MRO: variants seen among roughly 807,000 people sequenced by gnomAD.
MRO encodes the protein maestro.
MRO carries 28 observed loss-of-function variants against 31.0 expected under a neutral mutation model. That is an observed-to-expected ratio of 0.90 (90% CI 0.67 to 1.24). The LOEUF (loss-of-function observed/expected upper bound fraction) is 1.24, where lower values mean the gene tolerates loss of function less well. MRO is among the 50% of genes most tolerant of loss of function. The pLI is 0.00. For missense variants in MRO, 332 were observed against 289.2 expected, an observed-to-expected ratio of 1.15 and a Z score of -1.07; for synonymous variants, 108 against 108.4, an observed-to-expected ratio of 1.00 and a Z score of 0.02.
intron 7 of MRO, among the ~76,000 whole-genome samples, 179 bp downstream of exon 7, chr18:50,799,857 G>C (rs1599003009): frequency 1.3e-5 from 2 of 152,192 alleles, no homozygotes; most frequent in East Asian, 3.9e-4. Flanking sequence ...GCTGCAGTGA[G>C]CCAAGATGGT....
chr18:50,806,214 C>T (rs1476429109), intron 4 of MRO, among the ~76,000 whole-genome samples: 1 of 152,116 alleles, frequency 6.6e-6, no homozygotes, highest in Non-Finnish European at 1.5e-5. Context: ...GAACTGCAGG[C>T]GTGAACCACT....
intron 5 of MRO, among the ~76,000 whole-genome samples, chr18:50,801,718 A>T (rs1046806581): frequency 2.6e-5 from 4 of 152,150 alleles, no homozygotes; most frequent in Admixed American, 6.5e-5. Context: ...AGAGGGCCCA[A>T]AGGCTTCAAT....
At chr18:50,802,902 GTA>G (rs750217710) in intron 5 of MRO, among the ~76,000 whole-genome samples, 4,563 of 129,842 alleles carry the variant, frequency 0.035, 209 homozygotes, top group African/African-American at 0.12. Context: ...GAGTGTTTGT[GTA>G]TGTGTGTGTG....
rs1353007208 is a variant in MRO, at chr18:50,805,323, T to C, written c.260A>G (p.Lys87Arg). 4.3e-6 allele frequency: 7 copies of C among 1,613,622 alleles called. No individual in the cohort carries two copies. The East Asian group carries it at 8.9e-5, about 21-fold the overall frequency. The change falls in exon 5 of 8, where the codon AAG becomes AGG. Residue 87 changes from lysine (K) to arginine (R), a missense_variant. Coordinates refer to ENST00000398439, the MANE Select transcript of MRO (RefSeq NM_031939.6). ...CACCAGCAGGTCGAGGACAATTTTC[T>C]TATACTTTCTCACCTGTCACCAAGG... ...YEAPDKVRKY[K>R]KIVLDLLVYG...
At chr18:50,805,598 T>C (rs938443063) in intron 4 of MRO, among the ~76,000 whole-genome samples, 1 of 151,992 alleles carries the variant, frequency 6.6e-6, no homozygotes, top group Admixed American at 6.6e-5. Flanking sequence ...GCTCTTCAAA[T>C]AGGGCAGCAG....
At chr18:50,803,996 C>G (rs150698251) in intron 5 of MRO, among the ~76,000 whole-genome samples, 309 of 152,350 alleles carry the variant, frequency 2.0e-3, no homozygotes, top group Middle Eastern at 0.01. Flanking sequence ...TTTTGCTTAG[C>G]CTGATTTGTC....
intron 6 of MRO, among the ~76,000 whole-genome samples, chr18:50,800,351 C>T (rs543009550): frequency 2.6e-5 from 4 of 152,230 alleles, no homozygotes; most frequent in South Asian, 4.1e-4. Context: ...GTGGGAAGGG[C>T]GTAGCTTTAC....
rs575769694 is a variant in MRO at position 50,814,676 on chromosome 18, T to C, written c.-5+4905A>G. ...GTAAAGCCTGGTGCCCATCCAACAG[T>C]AAAGAAAATGTTTGTCGGGAAGTAA... On this transcript the variant is annotated intron_variant, in intron 2 of 7. Transcript: ENST00000398439. 1.6e-4 allele frequency: 32 copies of C among 202,080 alleles called. 1 individual carries two copies. In the South Asian group the frequency reaches 2.2e-3, roughly 14 times the overall value. The allele number at this position is 202,080 out of a possible 1,614,324, so 12.5% of individuals were successfully genotyped here. A position where few individuals can be genotyped will look rare whatever the true frequency, so the allele number is the denominator to read the frequency against.
At position 50,798,852 on chromosome 18, in the gene MRO, T is replaced by A. The variant is rs1402663543; in HGVS notation, c.*485A>T. On this transcript the variant is annotated 3_prime_UTR_variant, in exon 8 of 8. Coordinates refer to ENST00000398439, the MANE Select transcript of MRO (RefSeq NM_031939.6). ...ACCTTCTTGGTATCTTGGCCAACTTTAAATAAATCTTGGCAAGTAAAGGTA... is the reference window on the plus strand; with the variant it reads ...ACCTTCTTGGTATCTTGGCCAACTTAAAATAAATCTTGGCAAGTAAAGGTA... 6.6e-6 allele frequency: 1 copy of A among 151,476 alleles called. No homozygotes were observed. The highest frequency in any genetic ancestry group is 1.9e-4 in the East Asian group (1 of 5,148). The allele number at this position is 151,476 out of a possible 1,614,324, so 9.4% of individuals were successfully genotyped here.
At chr18:50,811,231 AT>A (rs1251083727) in intron 2 of MRO, among the ~76,000 whole-genome samples, 1 of 152,196 alleles carries the variant, frequency 6.6e-6, no homozygotes, top group Non-Finnish European at 1.5e-5. Context: ...TTTTCTTTTA[AT>A]TTAGGTGAAA....
rs72627207 is a variant in MRO at position 50,815,675 on chromosome 18, C to T, written c.-5+3906G>A. 2,334 of 402,624 alleles carry T rather than the reference C, an allele frequency of 5.8e-3. 56 individuals are homozygous for T. The East Asian group carries it at 0.073, about 13-fold the overall frequency. 24.9% of individuals were successfully genotyped at this position (402,624 alleles called of 1,614,324 possible). A position where few individuals can be genotyped will look rare whatever the true frequency, so the allele number is the denominator to read the frequency against. On this transcript the variant is annotated intron_variant, in intron 2 of 7. Coordinates refer to ENST00000398439, the MANE Select transcript of MRO (RefSeq NM_031939.6). Reference sequence around the variant, plus strand: ...TTGGTGGAAGAAGTTCAGGCAGTCCCTGTGGTGACCGTTATGGATCTGGTA... The same window carrying T: ...TTGGTGGAAGAAGTTCAGGCAGTCCTTGTGGTGACCGTTATGGATCTGGTA...
At chr18:50,809,132 G>A (rs112910045) in intron 3 of MRO, among the ~76,000 whole-genome samples, 170 bp downstream of exon 3, 10,559 of 115,410 alleles carry the variant, frequency 0.091, 578 homozygotes, top group African/African-American at 0.16. Context: ...GCGACAGAGC[G>A]AGACTCCGTC....
chr18:50,819,165 C>T (rs1166196909), intron 2 of MRO, among the ~76,000 whole-genome samples: 8 of 152,146 alleles, frequency 5.3e-5, no homozygotes, highest in Non-Finnish European at 1.2e-4. Flanking sequence ...ACTGGCAGAG[C>T]AGATTTTAGG....
At chr18:50,805,881 A>G (rs939374409) in intron 4 of MRO, among the ~76,000 whole-genome samples, 1 of 151,948 alleles carries the variant, frequency 6.6e-6, no homozygotes, top group East Asian at 1.9e-4. Context: ...ACCCTGAATG[A>G]GTCTCCTCCC....
Position 50,805,214 on chromosome 18 carries a change from C to A in MRO, c.369G>T (p.Gly123=). ...TLTVVLGKIQ[G]KGLGSFFIDI... is the part of the protein sequence containing the mutation. ...CTATGAAGAAGGAACCCAAACCTTT[C>A]CCCTGGATCTTGCCCAGAACGACGG... The change falls in exon 5 of 8, where the codon GGG becomes GGT. Residue 123 remains glycine, a synonymous_variant. Transcript: ENST00000398439. 2 of 1,613,960 alleles carry A rather than the reference C, an allele frequency of 1.2e-6. No individual in the cohort carries two copies. Among genetic ancestry groups the A allele is most frequent in the South Asian group, 1.1e-5 (1 of 91,072 alleles).
At position 50,805,193 on chromosome 18, in the gene MRO, G is replaced by A. The variant is rs372663437; in HGVS notation, c.390C>T (p.Phe130=). 529 of 1,613,604 alleles carry A rather than the reference G, an allele frequency of 3.3e-4. No individual in the cohort carries two copies. Among genetic ancestry groups the A allele is most frequent in the Non-Finnish European group, 4.1e-4 (487 of 1,179,642 alleles). ...TCCTGGTCTGAAGGGTGATATCTAT[G>A]AAGAAGGAACCCAAACCTTTCCCCT... ...KIQGKGLGSF[F]IDITLQTRTL... is the part of the protein sequence containing the mutation. The change falls in exon 5 of 8, where the codon TTC becomes TTT. Residue 130 remains phenylalanine (F), a synonymous_variant. Transcript: ENST00000398439.
intron 2 of MRO, among the ~76,000 whole-genome samples, chr18:50,816,370 A>G (rs749870210): frequency 8.5e-5 from 13 of 152,182 alleles, no homozygotes; most frequent in Non-Finnish European, 1.8e-4. Flanking sequence ...CATCAGGTAT[A>G]TTGCCCTGTA....
At chr18:50,810,040 A>C (rs1415833244) in intron 2 of MRO, among the ~76,000 whole-genome samples, 4 of 151,974 alleles carry the variant, frequency 2.6e-5, no homozygotes, top group Non-Finnish European at 4.4e-5. Context: ...AACACAGCTC[A>C]TTGCAGCTTC....
chr18:50,806,049 G>A (rs528019592), intron 4 of MRO, among the ~76,000 whole-genome samples: 6 of 151,132 alleles, frequency 4.0e-5, no homozygotes, highest in African/African-American at 7.3e-5. Context: ...TCAGCCTCCC[G>A]AGTAGCTGAG....
Sources: gnomAD v4.1 joint callset for allele counts (sites outside exome capture counted in the v4.1 genomes callset) on GRCh38, gnomAD v4.1.1 for gene constraint, MANE v1.5 for transcripts, NCBI Gene and HGNC (gene_info 2026-07-23, HGNC 2026-07-21) for gene names.